ZNF385B: variants seen among roughly 807,000 people sequenced by gnomAD.
The protein encoded by ZNF385B is zinc finger protein 533.
Under a neutral mutation model 39.2 loss-of-function variants are expected in ZNF385B, and 23 were observed. The observed-to-expected ratio is 0.59, with a 90% CI of 0.42 to 0.83. The LOEUF (loss-of-function observed/expected upper bound fraction) is 0.83, where lower values mean the gene tolerates loss of function less well. ZNF385B is among the 40% of genes least tolerant of loss of function. The pLI is 0.00. For missense variants in ZNF385B, 552 were observed against 598.9 expected (o/e 0.92, Z 0.82); for synonymous variants, 205 against 222.6 (o/e 0.92, Z 0.70).
chr2:179,833,572 A>G (rs1024619487), intron 1 of ZNF385B, among the ~76,000 whole-genome samples: 3 of 152,170 alleles, frequency 2.0e-5, no homozygotes, highest in Non-Finnish European at 4.4e-5. Context: ...AAGCTGTCCT[A>G]TTCACTGGTG....
intron 3 of ZNF385B, among the ~76,000 whole-genome samples, chr2:179,688,514 C>CAACAAT (rs1559091149): frequency 6.6e-6 from 1 of 151,304 alleles, no homozygotes; most frequent in South Asian, 2.1e-4. Flanking sequence ...ACAACAACAA[C>CAACAAT]AACAAAAACA....
At chr2:179,751,671 A>G (rs758934239) in intron 3 of ZNF385B, among the ~76,000 whole-genome samples, 14 of 152,120 alleles carry the variant, frequency 9.2e-5, no homozygotes, top group Non-Finnish European at 2.1e-4. Flanking sequence ...GGAAAACAAT[A>G]ACAGAGGATC....
intron 3 of ZNF385B, among the ~76,000 whole-genome samples, chr2:179,755,430 T>C (rs576127940): frequency 6.6e-6 from 1 of 152,324 alleles, no homozygotes; most frequent in African/African-American, 2.4e-5. Flanking sequence ...AGGAGAGTTC[T>C]GTAGATGTCT....
chr2:179,818,216 T>C (rs1162715045), intron 1 of ZNF385B, among the ~76,000 whole-genome samples: 1 of 152,274 alleles, frequency 6.6e-6, no homozygotes, highest in Non-Finnish European at 1.5e-5. Context: ...TCTTAAAAAA[T>C]CATACAAGTG....
intron 3 of ZNF385B, among the ~76,000 whole-genome samples, chr2:179,615,712 A>G (rs1689671430): frequency 6.6e-6 from 1 of 152,152 alleles, no homozygotes. Flanking sequence ...TCTGTAGAAG[A>G]GGTACTTATT....
intron 1 of ZNF385B, among the ~76,000 whole-genome samples, chr2:179,821,317 A>T (rs1575553326): frequency 6.6e-6 from 1 of 152,186 alleles, no homozygotes; most frequent in African/African-American, 2.4e-5. Context: ...GCCATTTAAT[A>T]TCAGAAATGC....
chr2:179,707,815 G>A (rs902061019), intron 3 of ZNF385B, among the ~76,000 whole-genome samples: 2 of 152,236 alleles, frequency 1.3e-5, no homozygotes, highest in African/African-American at 4.8e-5. Context: ...CCTGGTAGTG[G>A]CAGGGACACC....
intron 3 of ZNF385B, among the ~76,000 whole-genome samples, chr2:179,729,128 C>CAA (rs767380342): frequency 2.2e-3 from 172 of 76,608 alleles, no homozygotes; most frequent in African/African-American, 6.0e-3. Context: ...ATTCTATTCT[C>CAA]AAAAAAAAAA....
chr2:179,706,355 G>A (rs75307474), intron 3 of ZNF385B, among the ~76,000 whole-genome samples: 4,204 of 152,228 alleles, frequency 0.028, 178 homozygotes, highest in African/African-American at 0.092. Flanking sequence ...CTGTATGTAA[G>A]TCCCCTCAAT....
intron 3 of ZNF385B, among the ~76,000 whole-genome samples, chr2:179,749,700 G>A (rs1348510878): frequency 6.6e-6 from 1 of 152,044 alleles, no homozygotes; most frequent in Non-Finnish European, 1.5e-5. Flanking sequence ...AGTTTAAAAT[G>A]GGTAACACTT....
At chr2:179,699,929 C>A (rs2106361707) in intron 3 of ZNF385B, among the ~76,000 whole-genome samples, 1 of 152,294 alleles carries the variant, frequency 6.6e-6, no homozygotes, top group Non-Finnish European at 1.5e-5. Flanking sequence ...CGACACCACT[C>A]ACCTTCAGAA....
At chr2:179,711,880 C>CA (rs1559119083) in intron 3 of ZNF385B, among the ~76,000 whole-genome samples, 1 of 130,786 alleles carries the variant, frequency 7.6e-6, no homozygotes, top group Non-Finnish European at 1.6e-5. Flanking sequence ...ATATAAACTG[C>CA]ATTTTTTTTT....
chr2:179,568,968 T>C (rs1684906040), intron 3 of ZNF385B, among the ~76,000 whole-genome samples: 1 of 152,254 alleles, frequency 6.6e-6, no homozygotes, highest in African/African-American at 2.4e-5. Flanking sequence ...TCTTTACTCA[T>C]TTGTATAACA....
At chr2:179,526,927 C>G (rs924726691) in intron 4 of ZNF385B, among the ~76,000 whole-genome samples, 1 of 152,210 alleles carries the variant, frequency 6.6e-6, no homozygotes, top group Non-Finnish European at 1.5e-5. Flanking sequence ...AACTGGTCCC[C>G]TCTTTCACTG....
chr2:179,635,002 C>T (rs1314108585), intron 3 of ZNF385B, among the ~76,000 whole-genome samples: 1 of 146,306 alleles, frequency 6.8e-6, no homozygotes, highest in African/African-American at 2.5e-5. Context: ...AATAGCCAGG[C>T]GTGGTGGCAG....
chr2:179,676,477 G>A (rs1696836917), intron 3 of ZNF385B, among the ~76,000 whole-genome samples: 1 of 152,162 alleles, frequency 6.6e-6, no homozygotes, highest in African/African-American at 2.4e-5. Context: ...GCCCACCTTG[G>A]CCTCCCAAAG....
intron 5 of ZNF385B, among the ~76,000 whole-genome samples, chr2:179,505,670 G>A (rs901462208): frequency 2.0e-5 from 3 of 152,080 alleles, no homozygotes; most frequent in Admixed American, 6.5e-5. Context: ...TTATAAGTTA[G>A]CACTACGTAC....
intron 4 of ZNF385B, among the ~76,000 whole-genome samples, chr2:179,538,790 A>G (rs2105888363): frequency 6.6e-6 from 1 of 152,336 alleles, no homozygotes; most frequent in East Asian, 1.9e-4. Flanking sequence ...CTCCTGCAAT[A>G]AAGTAGTAGT....
chr2:179,638,850 C>A (rs768310230), intron 3 of ZNF385B, among the ~76,000 whole-genome samples: 6 of 152,082 alleles, frequency 3.9e-5, no homozygotes, highest in Non-Finnish European at 7.4e-5. Flanking sequence ...CTCAGAAGGG[C>A]TCCTGCTGAT....
Sources: allele counts gnomAD v4.1 joint callset (sites outside exome capture counted in the v4.1 genomes callset), GRCh38; gene constraint gnomAD v4.1.1; transcripts MANE v1.5; gene names NCBI Gene and HGNC (gene_info 2026-07-23, HGNC 2026-07-21).